Variants in BLM observed in about 807,000 individuals in gnomAD.
The protein encoded by BLM is recQ-like DNA helicase BLM.
Under a neutral mutation model 135.3 loss-of-function variants are expected in BLM, and 95 were observed. The observed-to-expected ratio is 0.70, with a 90% CI of 0.59 to 0.83. BLM has a LOEUF of 0.83. Among genes scored for constraint, BLM ranks in the 40% least tolerant of loss-of-function variants. BLM has a pLI of 0.00. For missense variants in BLM, 1,518 were observed against 1,663.9 expected (o/e 0.91, Z 1.53); for synonymous variants, 520 against 589.2 (o/e 0.88, Z 1.70).
chr15:90,814,808 C>T (rs1897513518), intron 21 of BLM, among the ~76,000 whole-genome samples: 2 of 152,240 alleles, frequency 1.3e-5, no homozygotes, highest in South Asian at 4.1e-4. Context: ...TGTAGGCTGC[C>T]GAAGGTGTGG....
chr15:90,725,088 T>C (rs2151128382), intron 1 of BLM, among the ~76,000 whole-genome samples: 1 of 152,274 alleles, frequency 6.6e-6, no homozygotes, highest in South Asian at 2.1e-4. Context: ...TTTGTATTTT[T>C]AGTAGAGAGA....
At chr15:90,784,800 C>A in intron 13 of BLM, 121 bp from the exon 14 acceptor site, 2 of 1,015,432 alleles carry the variant, frequency 2.0e-6, no homozygotes, top group Non-Finnish European at 2.9e-6. Context: ...GGTCTTCCAG[C>A]AGTATAAGAA....
chr15:90,736,695 T>C (rs1283137949), intron 1 of BLM, among the ~76,000 whole-genome samples: 2 of 152,232 alleles, frequency 1.3e-5, no homozygotes, highest in Non-Finnish European at 2.9e-5. Context: ...AATGGAGTAC[T>C]GTACAGCTGT....
intron 1 of BLM, among the ~76,000 whole-genome samples, chr15:90,746,179 G>A (rs1895497582): frequency 6.6e-6 from 1 of 152,186 alleles, no homozygotes; most frequent in South Asian, 2.1e-4. Context: ...CCAAAATGGT[G>A]GAGTAAGGAC....
rs757984551 is a variant in BLM, at chr15:90,749,532, C to A, written c.264C>A (p.Asp88Glu). ...CCACAAATCAGCAAAGGGTCAAGGA[C>A]TTCTTTAAAAATGCTCCAGCAGGAC... ...PNTTNQQRVK[D>E]FFKNAPAGQE... Residue 88 changes from aspartate (D) to glutamate (E), a missense_variant, in exon 3 of 22, where the codon GAC (aspartate) becomes GAA (glutamate). Asp to Glu is a conservative substitution (Grantham distance 45). Around this residue, in one of 5 missense-constraint regions of BLM, gnomAD observed 724 missense variants for 756.9 expected, o/e 0.96. Coordinates refer to ENST00000355112, the MANE Select transcript of BLM (RefSeq NM_000057.4). 3.0e-5 allele frequency: 48 copies of A among 1,614,022 alleles called. No individual in the cohort carries two copies. Among genetic ancestry groups the A allele is most frequent in the Non-Finnish European group, 3.8e-5 (45 of 1,180,044 alleles).
intron 1 of BLM, among the ~76,000 whole-genome samples, chr15:90,744,842 G>A (rs1895459232): frequency 6.6e-6 from 1 of 151,886 alleles, no homozygotes; most frequent in Admixed American, 6.6e-5. Context: ...TTGAGCACAG[G>A]AGTTCGAGGC....
intron 12 of BLM, among the ~76,000 whole-genome samples, chr15:90,773,646 C>T (rs1896390549): frequency 6.6e-6 from 1 of 151,526 alleles, no homozygotes; most frequent in South Asian, 2.1e-4. Context: ...CTCACTTTCC[C>T]CATTCTTAGG....
chr15:90,747,609 ATTGAT>A, intron 2 of BLM, 119 bp downstream of exon 2: 2 of 744,678 alleles, frequency 2.7e-6, no homozygotes, highest in African/African-American at 1.8e-5. Context: ...TGAGAGATTC[ATTGAT>A]TTTCCCACTT....
intron 1 of BLM, among the ~76,000 whole-genome samples, chr15:90,743,714 C>T (rs2151142393): frequency 6.6e-6 from 1 of 152,142 alleles, no homozygotes; most frequent in Non-Finnish European, 1.5e-5. Flanking sequence ...TTTTTGTGTC[C>T]AACAATTGTA....
chr15:90,794,012 G>T, intron 15 of BLM, 155 bp from the exon 16 acceptor site: 1 of 495,992 alleles, frequency 2.0e-6, no homozygotes, highest in Non-Finnish European at 3.5e-6. Flanking sequence ...TTAATACTCA[G>T]TTAATTATAA....
At position 90,790,754 on chromosome 15, in the gene BLM, T is replaced by G. The variant is rs912097353; in HGVS notation, c.2929T>G (p.Ser977Ala). The G allele has an allele frequency of 3.1e-6, 5 of 1,614,190 alleles. No individual in the cohort carries two copies. Among genetic ancestry groups the G allele is most frequent in the Non-Finnish European group, 4.2e-6 (5 of 1,180,012 alleles). The change falls in exon 15 of 22, where the codon TCT becomes GCT. Residue 977 changes from serine (S) to alanine (A), a missense_variant. Coordinates refer to ENST00000355112, the MANE Select transcript of BLM (RefSeq NM_000057.4). ...PKSVEGYYQE[S>A]GRAGRDGEIS... Reference sequence around the variant, plus strand: ...ATCTGTGGAGGGTTACTACCAAGAATCTGGCAGAGCTGGAAGAGATGGGGA... The same window carrying G: ...ATCTGTGGAGGGTTACTACCAAGAAGCTGGCAGAGCTGGAAGAGATGGGGA...
rs112842985 is a variant in BLM at position 90,729,882 on chromosome 15, A to G, written c.-5+12442A>G. Among the ~76,000 whole-genome samples, 301 of 152,140 alleles carry G rather than the reference A, an allele frequency of 2.0e-3. 3 individuals are homozygous for G. Among genetic ancestry groups the G allele is most frequent in the African/African-American group, 7.0e-3 (289 of 41,496 alleles). On this transcript the variant is annotated intron_variant, in intron 1 of 21. Coordinates refer to ENST00000355112, the MANE Select transcript of BLM (RefSeq NM_000057.4). ...TATTTTTGAGACGAAGTCTCGCTCT[A>G]TCGCCCAGGCTGGAGTGCAGTGGCG...
intron 1 of BLM, among the ~76,000 whole-genome samples, chr15:90,718,058 G>T: frequency 6.6e-6 from 1 of 152,264 alleles, no homozygotes; most frequent in Admixed American, 6.5e-5. Flanking sequence ...CTTGGTTTTC[G>T]TCTGTCATAT....
At chr15:90,795,530 C>G (rs1467525606) in intron 16 of BLM, among the ~76,000 whole-genome samples, 1 of 151,986 alleles carries the variant, frequency 6.6e-6, no homozygotes, top group Non-Finnish European at 1.5e-5. Flanking sequence ...AAATACAGAG[C>G]ACAGGGCAGA....
At chr15:90,797,176 G>A (rs935125600) in intron 16 of BLM, among the ~76,000 whole-genome samples, 6 of 152,080 alleles carry the variant, frequency 3.9e-5, no homozygotes, top group Admixed American at 1.3e-4. Flanking sequence ...CACTTTGGGA[G>A]GCTGAGGCCG....
At chr15:90,765,246 A>G (rs1399699631) in intron 8 of BLM, 50 bp from the exon 9 acceptor site, 28 of 1,394,514 alleles carry the variant, frequency 2.0e-5, no homozygotes, top group Non-Finnish European at 2.5e-5. Flanking sequence ...TTTTACATTC[A>G]TGCTCTGAAG....
In BLM at chr15:90,815,164, G is replaced by T; in HGVS notation, c.4139G>T (p.Ser1380Ile). The change falls in exon 22 of 22, where the codon AGT (serine) becomes ATT (isoleucine). Residue 1380 changes from serine (S) to isoleucine (I), a missense_variant. Ser to Ile is a moderately radical substitution (Grantham distance 142). Around this residue, in one of 5 missense-constraint regions of BLM, gnomAD observed 153 missense variants for 173.4 expected, o/e 0.88. Transcript: ENST00000355112. This position sits in a 1 kb window ranked among gnomAD's most constrained non-coding sequence, Gnocchi z 4.6. Reference sequence around the variant, plus strand: ...AAATCCTCCAGCATCATTGGATCCAGTTCAGCCTCACATACTTCTCAAGCG... The same window carrying T: ...AAATCCTCCAGCATCATTGGATCCATTTCAGCCTCACATACTTCTCAAGCG... The part of the protein sequence containing the change: ...KTKSSSIIGS[S>I]SASHTSQATS... The T allele has an allele frequency of 6.2e-7, 1 of 1,614,172 alleles. No individual in the cohort carries two copies. Among genetic ancestry groups the T allele is most frequent in the Non-Finnish European group, 8.5e-7 (1 of 1,180,034 alleles).
chr15:90,801,446 A>AC (rs1555424089), intron 17 of BLM, among the ~76,000 whole-genome samples: 1 of 151,974 alleles, frequency 6.6e-6, no homozygotes, highest in Non-Finnish European at 1.5e-5. Flanking sequence ...GACATCTCAC[A>AC]TGTGGGAAGG....
intron 5 of BLM, among the ~76,000 whole-genome samples, chr15:90,759,218 T>C (rs1895895372): frequency 6.6e-6 from 1 of 152,150 alleles, no homozygotes; most frequent in Non-Finnish European, 1.5e-5. Flanking sequence ...TATGGTTGTT[T>C]ATGATCTTGT....
Sources: gnomAD v4.1 joint callset for allele counts (sites outside exome capture counted in the v4.1 genomes callset) on GRCh38, gnomAD v4.1.1 for gene constraint, gnomAD v4.1.1 regional missense constraint, Gnocchi (gnomAD v3.1) non-coding constraint, MANE v1.5 for transcripts, NCBI Gene and HGNC (gene_info 2026-07-23, HGNC 2026-07-21) for gene names.